The following GNA12 variants were observed in gnomAD, a reference collection of about 807,000 sequenced individuals.
GNA12 encodes the protein guanine nucleotide-binding protein subunit alpha-12.
GNA12 carries 9 observed loss-of-function variants against 26.0 expected under a neutral mutation model. The observed-to-expected ratio is 0.35, with a 90% confidence interval of 0.21 to 0.60. The LOEUF (loss-of-function observed/expected upper bound fraction) is 0.60, where lower values mean the gene tolerates loss of function less well. Ranked by LOEUF, GNA12 falls within the 20% of genes least tolerant of loss-of-function variation. The pLI, the probability that GNA12 is intolerant of heterozygous loss-of-function variation, is 0.78. For synonymous variants in GNA12, 264 were observed against 219.6 expected (o/e 1.20, Z -1.79); for missense variants, 405 against 525.8 (o/e 0.77, Z 2.25).
chr7:2,762,986 G>C, intron 2 of GNA12: 2 of 1,318,460 alleles, frequency 1.5e-6, no homozygotes, highest in Non-Finnish European at 1.9e-6. Context: ...AAGAGCCCTT[G>C]TGTGCTACTG....
intron 2 of GNA12, among the ~76,000 whole-genome samples, chr7:2,768,686 A>C (rs142567289): frequency 1.5e-4 from 15 of 101,994 alleles, no homozygotes; most frequent in African/African-American, 5.0e-4. Context: ...ACAAAACAAA[A>C]CAAAAAAAAA....
At chr7:2,805,026 T>C (rs1792911465) in intron 1 of GNA12, among the ~76,000 whole-genome samples, 1 of 152,238 alleles carries the variant, frequency 6.6e-6, no homozygotes, top group South Asian at 2.1e-4. Context: ...GGCAGTGTTC[T>C]TTAGAACCCT....
chr7:2,732,645 G>A (rs908870384), intron 3 of GNA12, among the ~76,000 whole-genome samples: 16 of 152,142 alleles, frequency 1.1e-4, no homozygotes, highest in African/African-American at 3.1e-4. Flanking sequence ...CACCAAACAC[G>A]GACATGATCA....
chr7:2,802,473 TTA>T (rs1461711657), intron 1 of GNA12, among the ~76,000 whole-genome samples: 4 of 151,878 alleles, frequency 2.6e-5, no homozygotes, highest in South Asian at 2.1e-4. Flanking sequence ...TCAAAATAGA[TTA>T]TGTTAGTTTA....
At chr7:2,743,601 C>G (rs1790614132) in intron 2 of GNA12, among the ~76,000 whole-genome samples, 1 of 152,190 alleles carries the variant, frequency 6.6e-6, no homozygotes, top group South Asian at 2.1e-4. Flanking sequence ...CTACAGCTCC[C>G]AGCGTGAGCA....
chr7:2,825,157 C>T (rs368124949), intron 1 of GNA12, among the ~76,000 whole-genome samples: 17 of 152,336 alleles, frequency 1.1e-4, no homozygotes, highest in African/African-American at 3.6e-4. Context: ...AAGCAGGACA[C>T]TCAAATTAGG....
intron 1 of GNA12, among the ~76,000 whole-genome samples, chr7:2,814,063 C>G (rs1793154451): frequency 6.6e-6 from 1 of 152,172 alleles, no homozygotes; most frequent in Non-Finnish European, 1.5e-5. Flanking sequence ...TGGATGTCCA[C>G]CATCGGCTGC....
At chr7:2,762,684 C>A (rs564992122) in intron 2 of GNA12, 5 of 1,584,704 alleles carry the variant, frequency 3.2e-6, no homozygotes. Flanking sequence ...TGGAAAGAAA[C>A]CACGCTGCCC....
chr7:2,776,531 G>C (rs879428452), intron 2 of GNA12, among the ~76,000 whole-genome samples: 1 of 152,176 alleles, frequency 6.6e-6, no homozygotes, highest in African/African-American at 2.4e-5. Context: ...CACATTCAAC[G>C]GCTAAAGGAC....
intron 1 of GNA12, among the ~76,000 whole-genome samples, chr7:2,835,258 C>G (rs538733996): frequency 1.3e-5 from 2 of 152,286 alleles, no homozygotes; most frequent in East Asian, 3.9e-4. Context: ...ACCCCACCAC[C>G]AGAGGCATTA....
chr7:2,833,678 A>C (rs1193510330), intron 1 of GNA12, among the ~76,000 whole-genome samples: 4 of 152,168 alleles, frequency 2.6e-5, no homozygotes, highest in Non-Finnish European at 5.9e-5. Context: ...CCAACCCCGT[A>C]TGTCAAAGCA....
At chr7:2,794,250 G>T (rs1414374140) in intron 2 of GNA12, among the ~76,000 whole-genome samples, 1 of 152,196 alleles carries the variant, frequency 6.6e-6, no homozygotes, top group African/African-American at 2.4e-5. Context: ...GGGGGCAAAC[G>T]GCTGTGAGAG....
intron 1 of GNA12, among the ~76,000 whole-genome samples, chr7:2,806,116 G>A (rs184701310): frequency 7.2e-5 from 11 of 152,208 alleles, no homozygotes; most frequent in Admixed American, 2.0e-4. Flanking sequence ...AAGTACACAC[G>A]TGCCTTACAT....
chr7:2,825,812 G>C (rs1464831364), intron 1 of GNA12, among the ~76,000 whole-genome samples: 1 of 152,178 alleles, frequency 6.6e-6, no homozygotes, highest in Non-Finnish European at 1.5e-5. Context: ...GGCAGCTGAA[G>C]AGAACAAGTC....
chr7:2,762,629 T>C (rs1413740098), intron 2 of GNA12: 2 of 1,574,732 alleles, frequency 1.3e-6, no homozygotes, highest in Non-Finnish European at 1.7e-6. Flanking sequence ...AAGACCCCAA[T>C]GCCATGAAGC....
chr7:2,838,643 T>C (rs1778905424), intron 1 of GNA12, among the ~76,000 whole-genome samples: 1 of 152,070 alleles, frequency 6.6e-6, no homozygotes, highest in Non-Finnish European at 1.5e-5. Flanking sequence ...GATTAAAAAA[T>C]ATGATGCAAC....
chr7:2,747,763 A>C (rs1790837971), intron 2 of GNA12, among the ~76,000 whole-genome samples: 1 of 152,202 alleles, frequency 6.6e-6, no homozygotes, highest in African/African-American at 2.4e-5. Context: ...ATTGTATATT[A>C]TCTAGAAAAC....
At chr7:2,813,111 C>A (rs1793126541) in intron 1 of GNA12, among the ~76,000 whole-genome samples, 1 of 152,146 alleles carries the variant, frequency 6.6e-6, no homozygotes, top group African/African-American at 2.4e-5. Flanking sequence ...TGTAGACACA[C>A]AGTCTTGCTA....
chr7:2,783,920 A>C (rs1792297543), intron 2 of GNA12, among the ~76,000 whole-genome samples: 1 of 151,862 alleles, frequency 6.6e-6, no homozygotes, highest in South Asian at 2.1e-4. Context: ...CCTGACTTCA[A>C]GTGATCCACC....
Sources: gnomAD v4.1 joint callset for allele counts (sites outside exome capture counted in the v4.1 genomes callset) on GRCh38, gnomAD v4.1.1 for gene constraint, MANE v1.5 for transcripts, NCBI Gene and HGNC (gene_info 2026-07-23, HGNC 2026-07-21) for gene names.